PAPPA2: variants seen among roughly 807,000 people sequenced by gnomAD.
PAPPA2 encodes the protein pappalysin-2.
Under a neutral mutation model 176.4 loss-of-function variants are expected in PAPPA2, and 86 were observed. The ratio of observed to expected loss-of-function variants is 0.49; its 90% CI spans 0.41 to 0.58. PAPPA2 has a LOEUF of 0.58. Among genes scored for constraint, PAPPA2 ranks in the 20% least tolerant of loss-of-function variants. PAPPA2 has a pLI of 0.00. For synonymous variants in PAPPA2, 809 were observed against 852.2 expected, an observed-to-expected ratio of 0.95 and a Z score of 0.88; for missense variants, 2,073 against 2,256.9, an observed-to-expected ratio of 0.92 and a Z score of 1.65.
intron 2 of PAPPA2, among the ~76,000 whole-genome samples, chr1:176,578,050 G>C (rs958018531): frequency 6.6e-6 from 1 of 152,068 alleles, no homozygotes; most frequent in Non-Finnish European, 1.5e-5. Flanking sequence ...CTGCCATGGG[G>C]GTTTCCTGGA....
intron 8 of PAPPA2, among the ~76,000 whole-genome samples, chr1:176,700,773 A>G (rs571363685): frequency 3.2e-4 from 48 of 152,350 alleles, no homozygotes; most frequent in Non-Finnish European, 5.9e-4. Flanking sequence ...TGAAAGAGGC[A>G]GCAAAGTCAC....
chr1:176,741,325 C>T (rs1325593), intron 14 of PAPPA2, among the ~76,000 whole-genome samples: 64,394 of 151,870 alleles, frequency 0.42, 15,023 homozygotes, highest in African/African-American at 0.61. Flanking sequence ...AGAAGATCCA[C>T]ATCCAAGCTC....
intron 3 of PAPPA2, among the ~76,000 whole-genome samples, chr1:176,654,917 T>G (rs940375063): frequency 1.3e-5 from 2 of 151,848 alleles, no homozygotes; most frequent in Non-Finnish European, 2.9e-5. Flanking sequence ...GGTATGATAA[T>G]TTTGTATCCT....
chr1:176,637,932 T>G (rs1025854263), intron 3 of PAPPA2, among the ~76,000 whole-genome samples: 3 of 152,118 alleles, frequency 2.0e-5, no homozygotes, highest in African/African-American at 7.2e-5. Flanking sequence ...AGGGTCACCA[T>G]GACCCTTTTC....
chr1:176,692,343 G>T (rs775415623), intron 6 of PAPPA2, 25 bp downstream of exon 6: 3 of 1,569,116 alleles, frequency 1.9e-6, no homozygotes, highest in South Asian at 2.3e-5. Context: ...GGCTGTGGGT[G>T]AGCTGGCTTA....
chr1:176,655,311 G>T (rs951138914), intron 3 of PAPPA2, among the ~76,000 whole-genome samples: 2 of 151,634 alleles, frequency 1.3e-5, no homozygotes, highest in African/African-American at 4.8e-5. Flanking sequence ...TGCTTTTTCT[G>T]CATCCATTGT....
At chr1:176,638,091 G>A (rs1656828110) in intron 3 of PAPPA2, among the ~76,000 whole-genome samples, 1 of 152,068 alleles carries the variant, frequency 6.6e-6, no homozygotes, top group African/African-American at 2.4e-5. Flanking sequence ...TTGAAAGGAA[G>A]TACAACACAC....
At chr1:176,555,328 A>C (rs1173828569) in intron 1 of PAPPA2, 79 bp from the exon 2 acceptor site, 2 of 152,416 alleles carry the variant, frequency 1.3e-5, no homozygotes, top group Non-Finnish European at 2.9e-5. Flanking sequence ...AAGGGAGCCA[A>C]GGGGAGCAGG....
chr1:176,603,578 T>C (rs1431867166), intron 3 of PAPPA2, among the ~76,000 whole-genome samples: 1 of 152,210 alleles, frequency 6.6e-6, no homozygotes, highest in Non-Finnish European at 1.5e-5. Flanking sequence ...GTCCAATGGT[T>C]GTGGATCTGA....
At chr1:176,473,570 A>G (rs1485468520) in intron 1 of PAPPA2, among the ~76,000 whole-genome samples, 1 of 152,194 alleles carries the variant, frequency 6.6e-6, no homozygotes, top group Non-Finnish European at 1.5e-5. Context: ...GCTGGATTGT[A>G]TGGTAAGGGT....
intron 1 of PAPPA2, among the ~76,000 whole-genome samples, chr1:176,525,739 G>A (rs998209880): frequency 6.6e-6 from 1 of 152,220 alleles, no homozygotes; most frequent in African/African-American, 2.4e-5. Flanking sequence ...GGCCCATTGA[G>A]GGTACAGCCA....
At chr1:176,579,018 T>C (rs763622453) in intron 2 of PAPPA2, among the ~76,000 whole-genome samples, 1 of 152,138 alleles carries the variant, frequency 6.6e-6, no homozygotes, top group Non-Finnish European at 1.5e-5. Context: ...CTTTTCCCCC[T>C]CATTAGGGTG....
chr1:176,754,812 G>A (rs1663341158), intron 14 of PAPPA2, among the ~76,000 whole-genome samples: 1 of 152,242 alleles, frequency 6.6e-6, no homozygotes, highest in Non-Finnish European at 1.5e-5. Context: ...AGCCTGCCAA[G>A]GAGGCAGATG....
At chr1:176,659,349 A>G (rs1658208676) in intron 3 of PAPPA2, among the ~76,000 whole-genome samples, 1 of 152,048 alleles carries the variant, frequency 6.6e-6, no homozygotes, top group Non-Finnish European at 1.5e-5. Flanking sequence ...AGTCTCAGGC[A>G]TTCCTTGGCT....
chr1:176,743,451 C>A (rs1267678529), intron 14 of PAPPA2, among the ~76,000 whole-genome samples: 1 of 152,102 alleles, frequency 6.6e-6, no homozygotes, highest in Non-Finnish European at 1.5e-5. Flanking sequence ...ATTTTGGCCA[C>A]CAGTGCTCAA....
Position 176,690,147 on chromosome 1 carries a change from C to T in PAPPA2, c.2148C>T (p.Val716=). 6.2e-7 allele frequency: 1 copy of T among 1,607,360 alleles called. No individual in the cohort carries two copies. The highest frequency in any genetic ancestry group is 8.5e-7 in the Non-Finnish European group (1 of 1,174,548). The change falls in exon 5 of 23, where the codon GTC becomes GTT. Residue 716 remains valine (V), a synonymous_variant. Coordinates refer to ENST00000367662, the MANE Select transcript of PAPPA2 (RefSeq NM_020318.3). ...AAACTTTCATTGCAGGTGGCATTGTCCTCAGCCCAGCATATTATGGGATGC... is the reference window on the plus strand; with the variant it reads ...AAACTTTCATTGCAGGTGGCATTGTTCTCAGCCCAGCATATTATGGGATGC... ...KDAVTHLGGI[V]LSPAYYGMPG... is the part of the protein sequence containing the mutation.
intron 2 of PAPPA2, among the ~76,000 whole-genome samples, chr1:176,563,416 C>T (rs904670494): frequency 8.5e-5 from 13 of 152,116 alleles, no homozygotes; most frequent in African/African-American, 3.1e-4. Flanking sequence ...AACTCTAGAG[C>T]AGGGGTTGGC....
At chr1:176,780,332 C>G (rs1200435773) in intron 17 of PAPPA2, among the ~76,000 whole-genome samples, 1 of 152,090 alleles carries the variant, frequency 6.6e-6, no homozygotes, top group African/African-American at 2.4e-5. Context: ...CAGCCTGCCC[C>G]CTGAAGTTGA....
At chr1:176,482,670 C>A (rs914876155) in intron 1 of PAPPA2, among the ~76,000 whole-genome samples, 1 of 152,154 alleles carries the variant, frequency 6.6e-6, no homozygotes, top group Non-Finnish European at 1.5e-5. Flanking sequence ...GCAGACTCTA[C>A]CTTTTTGGTG....
Sources: allele counts gnomAD v4.1 joint callset (sites outside exome capture counted in the v4.1 genomes callset), GRCh38; gene constraint gnomAD v4.1.1; transcripts MANE v1.5; gene names NCBI Gene and HGNC (gene_info 2026-07-23, HGNC 2026-07-21).